Variants in KIFAP3 observed in about 807,000 individuals in gnomAD.
KIFAP3 encodes the protein kinesin associated protein 3, also known as kinesin-associated protein 3.
Under a neutral mutation model 106.5 loss-of-function variants are expected in KIFAP3, and 68 were observed. That is an observed-to-expected ratio of 0.64 (90% CI 0.53 to 0.78). The LOEUF (loss-of-function observed/expected upper bound fraction) is 0.78, where lower values mean the gene tolerates loss of function less well. KIFAP3 is among the 30% of genes least tolerant of loss of function. KIFAP3 has a pLI of 0.00. For missense variants in KIFAP3, 780 were observed against 941.8 expected (o/e 0.83, Z 2.25); for synonymous variants, 320 against 311.5 (o/e 1.03, Z -0.29).
At position 169,992,251 on chromosome 1, in the gene KIFAP3, A is replaced by G. The variant is rs1667143424; in HGVS notation, c.1188T>C (p.Asn396=). The change falls in exon 11 of 20, where the codon AAT becomes AAC. Residue 396 remains asparagine (N), a synonymous_variant. Transcript: ENST00000361580. The stretch of plus-strand genomic sequence containing the variant: ...ACATTGCTATTTGTTTGTAGTTGTC[A>G]TTGCCTAGGAATAAAACATCATGGT... ...LLPKLTALLG[N]DNYKQIAMCV... The G allele has an allele frequency of 1.9e-6, 3 of 1,547,256 alleles. No homozygotes were observed. Among genetic ancestry groups the G allele is most frequent in the Non-Finnish European group, 2.6e-6 (3 of 1,142,124 alleles).
chr1:170,043,793 A>G (rs1670103244), intron 3 of KIFAP3, among the ~76,000 whole-genome samples: 1 of 152,218 alleles, frequency 6.6e-6, no homozygotes, highest in Admixed American at 6.5e-5. Flanking sequence ...ATCTTTAGAC[A>G]GTTATTAAGA....
At chr1:169,935,064 T>G (rs1054748425) in intron 19 of KIFAP3, among the ~76,000 whole-genome samples, 21 of 152,232 alleles carry the variant, frequency 1.4e-4, no homozygotes, top group African/African-American at 4.6e-4. Context: ...TTTTGAGATT[T>G]TTTACAACTC....
At chr1:169,964,620 T>C (rs1276891106) in intron 17 of KIFAP3, among the ~76,000 whole-genome samples, 1 of 152,094 alleles carries the variant, frequency 6.6e-6, no homozygotes. Context: ...TCAATCATGC[T>C]CTCACTGAGC....
intron 9 of KIFAP3, among the ~76,000 whole-genome samples, chr1:170,021,941 CTTTTTTTTTTTT>C (rs71125221): frequency 1.3e-5 from 1 of 77,884 alleles, no homozygotes; most frequent in Non-Finnish European, 2.5e-5. Context: ...TCTTTTCTTT[CTTTTTTTTTTTT>C]TTTTTTTTTT....
At chr1:170,026,215 C>T (rs1669093427) in intron 8 of KIFAP3, among the ~76,000 whole-genome samples, 1 of 152,154 alleles carries the variant, frequency 6.6e-6, no homozygotes, top group Admixed American at 6.5e-5. Context: ...GATACCTTGA[C>T]TTTGGCCTTC....
chr1:169,927,943 AG>A (rs1558168871), intron 19 of KIFAP3, among the ~76,000 whole-genome samples: 1 of 152,190 alleles, frequency 6.6e-6, no homozygotes, highest in Non-Finnish European at 1.5e-5. Flanking sequence ...TGTTTTAGGA[AG>A]ATAATTGTAG....
At position 169,942,873 on chromosome 1, in the gene KIFAP3, T is replaced by G. The variant is rs551847465; in HGVS notation, c.2273+11138A>C. Among the ~76,000 whole-genome samples the G allele has an allele frequency of 2.0e-5, 3 of 151,984 alleles. No individual in the cohort carries two copies. The East Asian group carries it at 5.8e-4, about 29-fold the overall frequency. On this transcript the variant is annotated intron_variant, in intron 19 of 19. Transcript: ENST00000361580. The stretch of plus-strand genomic sequence containing the variant: ...AGTTTATAACATTATATTTCCTTGT[T>G]TTTGTCTTAGATACTTCCGTAAGCA...
At chr1:170,002,757 T>C (rs1571641211) in intron 10 of KIFAP3, among the ~76,000 whole-genome samples, 1 of 152,210 alleles carries the variant, frequency 6.6e-6, no homozygotes, top group Non-Finnish European at 1.5e-5. Context: ...AAATTATATA[T>C]GAAAATGCTT....
chr1:169,948,993 A>AT (rs140945355), intron 19 of KIFAP3, among the ~76,000 whole-genome samples: 3,291 of 152,062 alleles, frequency 0.022, 123 homozygotes, highest in African/African-American at 0.071. Context: ...AATAAGTCTA[A>AT]TTTTTTTATA....
intron 10 of KIFAP3, among the ~76,000 whole-genome samples, chr1:169,994,457 C>T (rs1185314016): frequency 2.0e-5 from 3 of 152,132 alleles, no homozygotes; most frequent in Non-Finnish European, 2.9e-5. Context: ...TAAAAATATA[C>T]TGCTTTTTAA....
At chr1:169,945,766 G>A (rs74530838) in intron 19 of KIFAP3, among the ~76,000 whole-genome samples, 5,389 of 152,186 alleles carry the variant, frequency 0.035, 273 homozygotes, top group African/African-American at 0.12. Context: ...ATTTCTCTAG[G>A]ATAAAACATC....
intron 15 of KIFAP3, among the ~76,000 whole-genome samples, chr1:169,980,255 T>G (rs540974484): frequency 1.8e-4 from 27 of 152,286 alleles, no homozygotes; most frequent in African/African-American, 4.8e-4. Flanking sequence ...TATTACATAT[T>G]TGAAAAGTCT....
At chr1:169,989,876 TTAA>T (rs1432144439) in intron 11 of KIFAP3, among the ~76,000 whole-genome samples, 1 of 152,114 alleles carries the variant, frequency 6.6e-6, no homozygotes, top group Non-Finnish European at 1.5e-5. Context: ...TCAATTAGAA[TTAA>T]TAAAAAGTTA....
At chr1:170,075,771 C>T (rs1671890174), upstream of KIFAP3, among the ~76,000 whole-genome samples, 1 of 152,226 alleles carries the variant, frequency 6.6e-6, no homozygotes, top group Non-Finnish European at 1.5e-5. Flanking sequence ...ATCATGCCCT[C>T]TTACTAAAGT....
At chr1:170,076,639 A>T (rs902508217), upstream of KIFAP3, among the ~76,000 whole-genome samples, 1 of 152,242 alleles carries the variant, frequency 6.6e-6, no homozygotes, top group Non-Finnish European at 1.5e-5. Flanking sequence ...GATTTAATCT[A>T]ATGCTTTTGG....
intron 9 of KIFAP3, among the ~76,000 whole-genome samples, chr1:170,018,666 T>C (rs931956925): frequency 2.0e-5 from 3 of 150,216 alleles, no homozygotes; most frequent in Non-Finnish European, 4.5e-5. Flanking sequence ...AGATCTAAAA[T>C]ATTTATTTAT....
chr1:170,059,590 A>G (rs1234770358), intron 1 of KIFAP3, among the ~76,000 whole-genome samples: 3 of 152,226 alleles, frequency 2.0e-5, no homozygotes, highest in African/African-American at 7.2e-5. Flanking sequence ...CAGAGGTACA[A>G]GGAGGAACTG....
chr1:170,047,450 T>C (rs994505685), intron 2 of KIFAP3, among the ~76,000 whole-genome samples: 10 of 151,836 alleles, frequency 6.6e-5, no homozygotes, highest in Non-Finnish European at 4.4e-5. Context: ...TGAAACCCTG[T>C]CTCTACTAAA....
chr1:170,015,769 T>C lies in KIFAP3; in HGVS notation c.1183+693A>G, dbSNP rs78901277. On this transcript the variant is annotated intron_variant, in intron 10 of 19. Coordinates refer to ENST00000361580, the MANE Select transcript of KIFAP3 (RefSeq NM_014970.4). ...CCCATAAAGATGGAAATTGAATAGATTGTAAAGAGATTTAACGCCCTACTA... is the reference window on the plus strand; with the variant it reads ...CCCATAAAGATGGAAATTGAATAGACTGTAAAGAGATTTAACGCCCTACTA... Among the ~76,000 whole-genome samples, 179 of 152,248 alleles carry C rather than the reference T, an allele frequency of 1.2e-3. 1 individual carries two copies. Among genetic ancestry groups the C allele is most frequent in the African/African-American group, 4.0e-3 (166 of 41,554 alleles).
Sources: allele counts gnomAD v4.1 joint callset (sites outside exome capture counted in the v4.1 genomes callset), GRCh38; gene constraint gnomAD v4.1.1; transcripts MANE v1.5; gene names NCBI Gene and HGNC (gene_info 2026-07-23, HGNC 2026-07-21).